ASAP1: variants seen among roughly 807,000 people sequenced by gnomAD.
ASAP1 encodes ArfGAP with SH3 domain, ankyrin repeat and PH domain 1.
In ASAP1, 43 loss-of-function variants were observed where a neutral mutation model predicts 145.2. That is an observed-to-expected ratio of 0.30 (90% CI 0.23 to 0.38). The LOEUF (loss-of-function observed/expected upper bound fraction) is 0.38, where lower values mean the gene tolerates loss of function less well. Ranked by LOEUF, ASAP1 falls within the 10% of genes least tolerant of loss-of-function variation. The probability of loss-of-function intolerance (pLI) is 1.00; values close to 1 mark genes in which losing one functional copy is unlikely to be tolerated. For synonymous variants in ASAP1, 546 were observed against 515.5 expected (o/e 1.06, Z -0.80); for missense variants, 1,018 against 1,355.3 (o/e 0.75, Z 3.91).
At chr8:130,061,290 A>T (rs1349095656) in intron 27 of ASAP1, among the ~76,000 whole-genome samples, 3 of 152,204 alleles carry the variant, frequency 2.0e-5, no homozygotes, top group Non-Finnish European at 2.9e-5. Flanking sequence ...ATTATATAAG[A>T]ACAGGATGTC....
At chr8:130,071,692 GAGAGGGTGAAGCTGTGTATTT>G (rs1219828942) in intron 27 of ASAP1, among the ~76,000 whole-genome samples, 1 of 152,176 alleles carries the variant, frequency 6.6e-6, no homozygotes, top group Non-Finnish European at 1.5e-5. Flanking sequence ...CCACATGCCT[GAGAGGGTGAAGCTGTGTATTT>G]ACCCAGACCA....
At chr8:130,107,151 T>C (rs2097538155) in intron 24 of ASAP1, among the ~76,000 whole-genome samples, 1 of 151,086 alleles carries the variant, frequency 6.6e-6, no homozygotes, top group Admixed American at 6.6e-5. Flanking sequence ...TTGGGCCTTA[T>C]GAGGAAGAAC....
chr8:130,140,450 G>A (rs369564023), intron 13 of ASAP1, among the ~76,000 whole-genome samples: 47 of 151,828 alleles, frequency 3.1e-4, no homozygotes, highest in Non-Finnish European at 5.6e-4. Flanking sequence ...TTTGTTGTAC[G>A]TATTATTTTA....
chr8:130,372,364 C>G (rs1392978900), intron 2 of ASAP1, among the ~76,000 whole-genome samples: 2 of 152,222 alleles, frequency 1.3e-5, no homozygotes, highest in Admixed American at 6.5e-5. Context: ...CCCAATCTCT[C>G]CAGAGCAATC....
At chr8:130,376,764 G>A (rs1211973730) in intron 2 of ASAP1, among the ~76,000 whole-genome samples, 2 of 151,730 alleles carry the variant, frequency 1.3e-5, no homozygotes, top group Non-Finnish European at 2.9e-5. Context: ...TTAGCTGGGT[G>A]TGGTGGCAGG....
intron 1 of ASAP1, among the ~76,000 whole-genome samples, chr8:130,440,789 C>T (rs1001259639): frequency 3.3e-5 from 5 of 152,220 alleles, no homozygotes; most frequent in Non-Finnish European, 5.9e-5. Context: ...CCTGCAATCT[C>T]TCTGCCTGGC....
At chr8:130,399,403 A>T (rs1429491458) in intron 2 of ASAP1, among the ~76,000 whole-genome samples, 1 of 152,228 alleles carries the variant, frequency 6.6e-6, no homozygotes, top group African/African-American at 2.4e-5. Context: ...ACCTGAAAAG[A>T]TACCTGCAAA....
chr8:130,230,092 A>G (rs1438006522), intron 4 of ASAP1, among the ~76,000 whole-genome samples: 1 of 151,358 alleles, frequency 6.6e-6, no homozygotes, highest in Non-Finnish European at 1.5e-5. Flanking sequence ...AAACAAACAA[A>G]CAAACAAACA....
intron 24 of ASAP1, among the ~76,000 whole-genome samples, chr8:130,111,571 T>C (rs541233527): frequency 6.6e-6 from 1 of 152,236 alleles, no homozygotes; most frequent in Non-Finnish European, 1.5e-5. Context: ...AAAGAAGTAC[T>C]AGGCGTAGAG....
intron 11 of ASAP1, among the ~76,000 whole-genome samples, chr8:130,161,432 T>C (rs910059413): frequency 5.3e-5 from 8 of 152,164 alleles, no homozygotes; most frequent in African/African-American, 1.9e-4. Flanking sequence ...AGGAAAATCA[T>C]AGATTCCGTG....
At chr8:130,144,423 G>C (rs144523376) in intron 13 of ASAP1, among the ~76,000 whole-genome samples, 1 of 152,338 alleles carries the variant, frequency 6.6e-6, no homozygotes, top group African/African-American at 2.4e-5. Flanking sequence ...CCAAGGATCA[G>C]GAAGGTGAAG....
chr8:130,420,636 G>A (rs192962595), intron 1 of ASAP1, among the ~76,000 whole-genome samples: 3 of 152,252 alleles, frequency 2.0e-5, no homozygotes, highest in African/African-American at 7.2e-5. Flanking sequence ...GCTCACACCT[G>A]TAATCCCAGC....
intron 1 of ASAP1, among the ~76,000 whole-genome samples, chr8:130,426,580 T>A (rs1829927168): frequency 6.6e-6 from 1 of 152,218 alleles, no homozygotes; most frequent in South Asian, 2.1e-4. Context: ...TCTTGTCACT[T>A]ACTCCACTCC....
At chr8:130,164,951 T>C (rs894195406) in intron 11 of ASAP1, among the ~76,000 whole-genome samples, 4 of 152,166 alleles carry the variant, frequency 2.6e-5, no homozygotes, top group African/African-American at 9.7e-5. Context: ...TTAATCTCAG[T>C]CATGAAAAAT....
intron 27 of ASAP1, among the ~76,000 whole-genome samples, chr8:130,063,834 GACAC>G (rs2097424526): frequency 6.6e-6 from 1 of 152,186 alleles, no homozygotes; most frequent in Admixed American, 6.5e-5. Context: ...AGGCACTTGG[GACAC>G]AGCTGATGGA....
At position 130,262,409 on chromosome 8, in the gene ASAP1, AAAAAAAAAGAGAGAGAGAGAGAG is replaced by A. The variant is rs1189280019; in HGVS notation, c.187-25438_187-25416del. On this transcript the variant is annotated intron_variant, in intron 3 of 29. Coordinates refer to ENST00000518721, the MANE Select transcript of ASAP1 (RefSeq NM_018482.4). Reference sequence around the variant, plus strand: ...CTCCATCTCAAAAAAAAAAAAAAAAAAAAAAAAAGAGAGAGAGAGAGAGAGAGAGAGAGAGAGAGAGAGAGAGA... The same window carrying A: ...CTCCATCTCAAAAAAAAAAAAAAAAAAGAGAGAGAGAGAGAGAGAGAGAGA... 2.5e-3 allele frequency among the ~76,000 whole-genome samples: 281 copies of A among 112,516 alleles called. 2 individuals carry two copies. The highest frequency in any genetic ancestry group is 9.7e-3 in the African/African-American group (270 of 27,702). The allele number at this position is 112,516 out of a possible 152,430, so 73.8% of individuals were successfully genotyped here. A position where few individuals can be genotyped will look rare whatever the true frequency, so the allele number is the denominator to read the frequency against.
intron 2 of ASAP1, 69 bp downstream of exon 2, chr8:130,401,815 CT>C: frequency 6.8e-7 from 1 of 1,465,624 alleles, no homozygotes; most frequent in Non-Finnish European, 9.4e-7. Flanking sequence ...TGCATTTCAA[CT>C]CCCAAGAAGA....
intron 14 of ASAP1, 67 bp downstream of exon 14, chr8:130,136,884 T>C (rs577053623): frequency 1.7e-5 from 23 of 1,349,676 alleles, no homozygotes; most frequent in East Asian, 2.3e-5. Context: ...GCTGCTGACC[T>C]GGAGAATGGA....
intron 3 of ASAP1, among the ~76,000 whole-genome samples, chr8:130,303,602 T>A (rs981641936): frequency 2.0e-5 from 3 of 152,154 alleles, no homozygotes; most frequent in African/African-American, 7.2e-5. Flanking sequence ...AAATGACCTA[T>A]CAAGCTGGGA....
Sources: allele counts gnomAD v4.1 joint callset (sites outside exome capture counted in the v4.1 genomes callset), GRCh38; gene constraint gnomAD v4.1.1; transcripts MANE v1.5; gene names NCBI Gene and HGNC (gene_info 2026-07-23, HGNC 2026-07-21).